Variants in ERBB4 observed in about 807,000 individuals in gnomAD.
ERBB4 encodes the protein receptor tyrosine-protein kinase erbB-4.
Under a neutral mutation model 158.0 loss-of-function variants are expected in ERBB4, and 42 were observed. The observed-to-expected ratio is 0.27, with a 90% CI of 0.21 to 0.34. The LOEUF is 0.34. Ranked by LOEUF, ERBB4 falls within the 10% of genes least tolerant of loss-of-function variation. The pLI is 1.00. For synonymous variants in ERBB4, 583 were observed against 558.7 expected, an observed-to-expected ratio of 1.04 and a Z score of -0.61; for missense variants, 1,333 against 1,624.1, an observed-to-expected ratio of 0.82 and a Z score of 3.08.
chr2:212,245,945 T>TG (rs1028957042), intron 1 of ERBB4, among the ~76,000 whole-genome samples: 1 of 152,112 alleles, frequency 6.6e-6, no homozygotes. Context: ...TTAAATGTTG[T>TG]GGGGGGTGTA....
chr2:212,128,906 T>G (rs2080023757), intron 1 of ERBB4, among the ~76,000 whole-genome samples: 1 of 152,142 alleles, frequency 6.6e-6, no homozygotes, highest in Non-Finnish European at 1.5e-5. Context: ...TATTTTTCAT[T>G]ATATATTAAA....
At chr2:212,479,110 T>C (rs907056311) in intron 1 of ERBB4, among the ~76,000 whole-genome samples, 2 of 152,190 alleles carry the variant, frequency 1.3e-5, no homozygotes, top group South Asian at 2.1e-4. Flanking sequence ...GATTGTTACA[T>C]TACAGCCAAT....
chr2:211,652,620 C>T (rs1239832096), intron 16 of ERBB4, among the ~76,000 whole-genome samples: 1 of 152,144 alleles, frequency 6.6e-6, no homozygotes, highest in Non-Finnish European at 1.5e-5. Context: ...TACTTAATAA[C>T]CACTATACCA....
chr2:212,466,361 T>G (rs1255370816), intron 1 of ERBB4, among the ~76,000 whole-genome samples: 1 of 152,182 alleles, frequency 6.6e-6, no homozygotes, highest in African/African-American at 2.4e-5. Flanking sequence ...GTGATATGGT[T>G]TGGCTCTGTG....
At chr2:212,192,122 T>A (rs1261949264) in intron 1 of ERBB4, among the ~76,000 whole-genome samples, 1 of 140,568 alleles carries the variant, frequency 7.1e-6, no homozygotes, top group South Asian at 2.1e-4. Context: ...ATTATATATA[T>A]TATGTGTTAT....
At chr2:211,731,384 G>T (rs567186084) in intron 5 of ERBB4, among the ~76,000 whole-genome samples, 1 of 152,130 alleles carries the variant, frequency 6.6e-6, no homozygotes, top group East Asian at 1.9e-4. Flanking sequence ...TATTTGAATG[G>T]AATGTTTTTA....
chr2:212,093,683 T>C (rs2078845066), intron 2 of ERBB4, among the ~76,000 whole-genome samples: 1 of 152,232 alleles, frequency 6.6e-6, no homozygotes, highest in African/African-American at 2.4e-5. Flanking sequence ...GGAAAATTGA[T>C]AGTTCTCACC....
At chr2:211,570,261 C>G (rs1328663904) in intron 19 of ERBB4, among the ~76,000 whole-genome samples, 3 of 151,864 alleles carry the variant, frequency 2.0e-5, no homozygotes, top group African/African-American at 7.3e-5. Flanking sequence ...AAGCTATTCT[C>G]CTGCCTCAGC....
At chr2:212,230,227 G>GTGAGC (rs1442929954) in intron 1 of ERBB4, among the ~76,000 whole-genome samples, 4 of 152,128 alleles carry the variant, frequency 2.6e-5, no homozygotes, top group African/African-American at 9.7e-5. Context: ...GGAGGTTGCA[G>GTGAGC]TGAGCTGAGA....
At chr2:211,460,063 A>T (rs2064489297) in intron 20 of ERBB4, among the ~76,000 whole-genome samples, 1 of 141,090 alleles carries the variant, frequency 7.1e-6, no homozygotes, top group African/African-American at 2.5e-5. Context: ...TGAAATCTCC[A>T]TAATAACCAC....
intron 1 of ERBB4, among the ~76,000 whole-genome samples, chr2:212,463,685 T>C (rs1484755124): frequency 6.6e-6 from 1 of 152,120 alleles, no homozygotes. Flanking sequence ...TACGTTACAA[T>C]GCCCCAATAC....
In ERBB4 at chr2:212,504,668, A is replaced by G. The variant is rs114179396; in HGVS notation, c.82+33781T>C. 5.2e-3 allele frequency among the ~76,000 whole-genome samples: 785 copies of G among 152,292 alleles called. 8 individuals are homozygous for G. Among genetic ancestry groups the G allele is most frequent in the African/African-American group, 0.018 (764 of 41,558 alleles). On this transcript the variant is annotated intron_variant, in intron 1 of 27. Transcript: ENST00000342788. The stretch of plus-strand genomic sequence containing the variant: ...ATACATAGTCTGAACCATAACGTAT[A>G]GAATGGAATCTGTTTCTGCAGCTGA...
intron 25 of ERBB4, among the ~76,000 whole-genome samples, chr2:211,406,054 G>A (rs2063140987): frequency 6.6e-6 from 1 of 152,036 alleles, no homozygotes; most frequent in Non-Finnish European, 1.5e-5. Flanking sequence ...ATCTCTCTTT[G>A]TTTTAATTCA....
rs572089138 is a variant in ERBB4 at position 211,636,766 on chromosome 2, C to T, written c.1947-6172G>A. On this transcript the variant is annotated intron_variant, in intron 16 of 27. Transcript: ENST00000342788. ...GTATGTGTGTATGTGTATATAGGAT[C>T]GAAAAAACTTCAGTTTACCTCTATG... Among the ~76,000 whole-genome samples, 18 of 151,702 alleles carry T rather than the reference C, an allele frequency of 1.2e-4. 1 individual carries two copies. The East Asian group carries it at 1.7e-3, about 15-fold the overall frequency.
Position 211,382,612 on chromosome 2 carries a change from G to C in ERBB4, c.*1003C>G, listed in dbSNP as rs1275744833. The stretch of plus-strand genomic sequence containing the variant: ...TTCCAGTTCAATGGATTCCCTCATT[G>C]GGCCACCCCTGAAAGTATCAGTAGT... On this transcript the variant is annotated 3_prime_UTR_variant, in exon 28 of 28. Coordinates refer to ENST00000342788, the MANE Select transcript of ERBB4 (RefSeq NM_005235.3). 1 of 232,704 alleles carries C rather than the reference G, an allele frequency of 4.3e-6. No individual in the cohort carries two copies. Among genetic ancestry groups the C allele is most frequent in the Non-Finnish European group, 8.5e-6 (1 of 117,730 alleles). The allele number at this position is 232,704 out of a possible 1,614,324, so 14.4% of individuals were successfully genotyped here. A position where few individuals can be genotyped will look rare whatever the true frequency, so the allele number is the denominator to read the frequency against.
At chr2:211,599,373 G>A (rs2068730071) in intron 19 of ERBB4, among the ~76,000 whole-genome samples, 1 of 152,108 alleles carries the variant, frequency 6.6e-6, no homozygotes, top group Non-Finnish European at 1.5e-5. Flanking sequence ...AAGAGTCCTT[G>A]CTTTGGGCTC....
intron 3 of ERBB4, among the ~76,000 whole-genome samples, chr2:211,929,625 C>T (rs904685018): frequency 9.9e-5 from 15 of 151,986 alleles, no homozygotes; most frequent in Admixed American, 9.2e-4. Flanking sequence ...GAGTTCCATA[C>T]GGTTTTCTGT....
intron 1 of ERBB4, among the ~76,000 whole-genome samples, chr2:212,209,715 G>A (rs1044823072): frequency 1.3e-5 from 2 of 151,860 alleles, no homozygotes; most frequent in Admixed American, 1.3e-4. Context: ...TGAGGGTGAG[G>A]CACTAATCCA....
chr2:212,047,301 A>C (rs565530333), intron 2 of ERBB4, among the ~76,000 whole-genome samples: 7 of 152,270 alleles, frequency 4.6e-5, no homozygotes, highest in African/African-American at 1.7e-4. Flanking sequence ...AAAACTTCTA[A>C]ATTATTCTCT....
Sources: gnomAD v4.1 joint callset for allele counts (sites outside exome capture counted in the v4.1 genomes callset) on GRCh38, gnomAD v4.1.1 for gene constraint, MANE v1.5 for transcripts, NCBI Gene and HGNC (gene_info 2026-07-23, HGNC 2026-07-21) for gene names.